Variants in MAPK10 observed in about 807,000 individuals in gnomAD.
MAPK10 encodes the protein JNK3 alpha protein kinase.
A neutral mutation model predicts 59.3 loss-of-function variants in MAPK10; 25 were observed. The observed-to-expected ratio is 0.42, with a 90% CI of 0.31 to 0.59. The LOEUF (loss-of-function observed/expected upper bound fraction) is 0.59. MAPK10 is among the 20% of genes least tolerant of loss of function. The probability of loss-of-function intolerance (pLI) is 0.15; values close to 1 mark genes in which losing one functional copy is unlikely to be tolerated. For missense variants in MAPK10, 351 were observed against 568.9 expected (o/e 0.62, Z 3.90); for synonymous variants, 190 against 200.5 (o/e 0.95, Z 0.44).
intron 2 of MAPK10, among the ~76,000 whole-genome samples, chr4:86,270,370 T>A (rs910541977): frequency 8.0e-5 from 12 of 149,876 alleles, no homozygotes; most frequent in Admixed American, 3.3e-4. Context: ...TGAAAAAAAA[T>A]GTGTGCTATT....
Position 86,520,411 on chromosome 4 carries a change from T to A in MAPK10, c.-263+73499A>T, listed in dbSNP as rs546474073. Among the ~76,000 whole-genome samples the A allele has an allele frequency of 1.6e-3, 240 of 152,290 alleles. 1 individual carries two copies. The South Asian group carries it at 0.018, about 11-fold the overall frequency. ...TACTTGTTTGATTCTATTGTTGAAA[T>A]TTTCCAGTGTATTTTGCATTTCTCT... On this transcript the variant is annotated intron_variant, in intron 1 of 4. Coordinates refer to the MAPK10 transcript ENST00000502302.
intron 3 of MAPK10, chr4:86,191,764 A>G (rs1322404581): frequency 1.3e-5 from 2 of 151,618 alleles, no homozygotes; most frequent in African/African-American, 4.8e-5. Context: ...CATTTAGCCC[A>G]TTTACCTTTA....
chr4:86,374,586 G>A (rs1209379449), intron 1 of MAPK10, among the ~76,000 whole-genome samples: 1 of 152,110 alleles, frequency 6.6e-6, no homozygotes, highest in Non-Finnish European at 1.5e-5. Flanking sequence ...AGAAAAGGCA[G>A]AAGAAGCCCT....
rs372287816 is a variant in MAPK10, at chr4:86,480,319, C to G, written c.-263+113591G>C. 4.5e-5 allele frequency among the ~76,000 whole-genome samples: 4 copies of G among 89,292 alleles called. No homozygotes were observed. In the East Asian group the frequency reaches 1.7e-3, roughly 38 times the overall value. 58.6% of individuals were successfully genotyped at this position (89,292 alleles called of 152,430 possible). A position where few individuals can be genotyped will look rare whatever the true frequency, so the allele number is the denominator to read the frequency against. On this transcript the variant is annotated intron_variant, in intron 1 of 4. Transcript: ENST00000502302. ...ATCTCCCCCACTGAGCACCCTGTGA[C>G]CCCCCCACTCCTGCCCGCCAGAGAA...
rs557108399 is a variant in MAPK10 at position 86,227,485 on chromosome 4, T to TA, written c.-6-33079dup. ...CTGGGCGACAGAGCGAGACTCCCTC[T>TA]AAAAAAAAAAAAAAAGAAAGAAAAG... On this transcript the variant is annotated intron_variant, in intron 2 of 13. Transcript: ENST00000641462. Among the ~76,000 whole-genome samples, 721 of 114,148 alleles carry TA rather than the reference T, an allele frequency of 6.3e-3. 10 individuals carry two copies. Among genetic ancestry groups the TA allele is most frequent in the Middle Eastern group, 0.018 (4 of 226 alleles). 74.9% of individuals were successfully genotyped at this position (114,148 alleles called of 152,430 possible).
At position 86,472,944 on chromosome 4, in the gene MAPK10, C is replaced by T. The variant is rs139925264; in HGVS notation, c.-262-118300G>A. ...GGCCTTTTGAGCCCCTATGCTCAGG[C>T]CTGCTCCCACAGTGTGGAGTGTACT... On this transcript the variant is annotated intron_variant, in intron 1 of 4. Transcript: ENST00000502302. 2.5e-3 allele frequency among the ~76,000 whole-genome samples: 385 copies of T among 152,264 alleles called. 3 individuals are homozygous for T. Among genetic ancestry groups the T allele is most frequent in the African/African-American group, 8.5e-3 (354 of 41,556 alleles).
intron 1 of MAPK10, among the ~76,000 whole-genome samples, chr4:86,545,420 C>T (rs1759071109): frequency 6.6e-6 from 1 of 152,266 alleles, no homozygotes; most frequent in South Asian, 2.1e-4. Context: ...GGTGTGCTCT[C>T]TTCTGAGAAC....
At chr4:86,020,294 T>C (rs1197258952) in intron 13 of MAPK10, 1 of 152,082 alleles carries the variant, frequency 6.6e-6, no homozygotes, top group Admixed American at 6.5e-5. Context: ...TATTCCATTG[T>C]ATGGATACAT....
chr4:86,452,035 T>C (rs1035030514), intron 1 of MAPK10, among the ~76,000 whole-genome samples: 2 of 152,124 alleles, frequency 1.3e-5, no homozygotes, highest in Admixed American at 1.3e-4. Context: ...GAGACTGAAA[T>C]GCAGAAAGAT....
chr4:86,507,655 T>TATACATAC (rs1554274997), intron 1 of MAPK10, among the ~76,000 whole-genome samples: 1 of 71,266 alleles, frequency 1.4e-5, no homozygotes, highest in Admixed American at 1.5e-4. Flanking sequence ...TATATATATA[T>TATACATAC]ATATATATAT....
At chr4:86,591,804 T>G (rs1364759320) in intron 1 of MAPK10, among the ~76,000 whole-genome samples, 1 of 152,202 alleles carries the variant, frequency 6.6e-6, no homozygotes, top group African/African-American at 2.4e-5. Context: ...TTACAGTACT[T>G]AATTTCTTAT....
intron 9 of MAPK10, chr4:86,080,695 T>G (rs1273850021): frequency 6.6e-6 from 1 of 152,002 alleles, no homozygotes; most frequent in African/African-American, 2.4e-5. Context: ...ATCATAATAT[T>G]GTCAATTTAT....
At chr4:86,470,803 A>G (rs1302163439) in intron 1 of MAPK10, among the ~76,000 whole-genome samples, 2 of 152,222 alleles carry the variant, frequency 1.3e-5, no homozygotes, top group African/African-American at 4.8e-5. Flanking sequence ...AAATTATTAT[A>G]CAAGATAGTT....
At position 86,093,488 on chromosome 4, in the gene MAPK10, T is replaced by C. The variant is rs190800669; in HGVS notation, c.802+5036A>G. 1.6e-3 allele frequency among the ~76,000 whole-genome samples: 249 copies of C among 152,052 alleles called. 1 individual carries two copies. Among genetic ancestry groups the C allele is most frequent in the Non-Finnish European group, 2.7e-3 (186 of 67,870 alleles). On this transcript the variant is annotated intron_variant, in intron 9 of 13. Coordinates refer to ENST00000641462, the MANE Select transcript of MAPK10 (RefSeq NM_138982.4). ...AGTTATAAAATTAGAACATTTCTTT[T>C]AAAATTAGTTAACTAAGTCATAAAT... is the stretch of plus-strand genomic sequence containing the variant.
intron 8 of MAPK10, chr4:86,100,254 G>A (rs2055089352): frequency 6.6e-6 from 1 of 152,100 alleles, no homozygotes; most frequent in Middle Eastern, 3.4e-3. Context: ...TCAATATGGT[G>A]CATTACTTGT....
At chr4:86,394,175 A>G (rs1742613802) in intron 1 of MAPK10, among the ~76,000 whole-genome samples, 1 of 152,128 alleles carries the variant, frequency 6.6e-6, no homozygotes, top group African/African-American at 2.4e-5. Flanking sequence ...AGGCTGAGGC[A>G]GGAGAATTGC....
chr4:86,053,668 A>T (rs1269800421), intron 11 of MAPK10, among the ~76,000 whole-genome samples: 1 of 152,210 alleles, frequency 6.6e-6, no homozygotes, highest in Non-Finnish European at 1.5e-5. Context: ...ATCCTAAAAA[A>T]GAAAAATATA....
At chr4:86,201,805 A>G (rs1352894474) in intron 2 of MAPK10, among the ~76,000 whole-genome samples, 1 of 151,636 alleles carries the variant, frequency 6.6e-6, no homozygotes, top group African/African-American at 2.4e-5. Flanking sequence ...TGAAGCTTTA[A>G]ATCGTCTTTT....
chr4:86,196,021 A>G (rs1478320423), intron 2 of MAPK10, among the ~76,000 whole-genome samples: 1 of 152,226 alleles, frequency 6.6e-6, no homozygotes, highest in African/African-American at 2.4e-5. Flanking sequence ...CAGTGCTGCA[A>G]TAAACATAAG....
Sources: gnomAD v4.1 joint callset for allele counts (sites outside exome capture counted in the v4.1 genomes callset) on GRCh38, gnomAD v4.1.1 for gene constraint, MANE v1.5 for transcripts, NCBI Gene and HGNC (gene_info 2026-07-23, HGNC 2026-07-21) for gene names.